Variants in HHAT observed in about 807,000 individuals in gnomAD.
The protein encoded by HHAT is protein-cysteine N-palmitoyltransferase HHAT.
In HHAT, 47 loss-of-function variants were observed where a neutral mutation model predicts 70.8. The ratio of observed to expected loss-of-function variants is 0.66; its 90% CI spans 0.53 to 0.85. The LOEUF (loss-of-function observed/expected upper bound fraction) is 0.85, where lower values mean the gene tolerates loss of function less well. HHAT is among the 40% of genes least tolerant of loss of function. The pLI, the probability that HHAT is intolerant of heterozygous loss-of-function variation, is 0.00. For missense variants in HHAT, 609 were observed against 604.8 expected (o/e 1.01, Z -0.07); for synonymous variants, 228 against 247.6 (o/e 0.92, Z 0.74).
chr1:210,363,784 T>G (rs1467446139), intron 3 of HHAT, among the ~76,000 whole-genome samples: 1 of 152,210 alleles, frequency 6.6e-6, no homozygotes, highest in African/African-American at 2.4e-5. Context: ...TGTTTTCTAT[T>G]TTTACTTTAT....
At chr1:210,407,019 A>G (rs2092357456) in intron 6 of HHAT, among the ~76,000 whole-genome samples, 1 of 152,176 alleles carries the variant, frequency 6.6e-6, no homozygotes, top group Non-Finnish European at 1.5e-5. Flanking sequence ...TAGAATAGTC[A>G]TTCTAGAAAA....
At chr1:210,630,709 C>A (rs1670692005) in intron 11 of HHAT, among the ~76,000 whole-genome samples, 1 of 152,204 alleles carries the variant, frequency 6.6e-6, no homozygotes, top group Admixed American at 6.5e-5. Flanking sequence ...CAACATGCGA[C>A]CCAGGACTCG....
chr1:210,574,094 T>G (rs1353012770), intron 9 of HHAT, among the ~76,000 whole-genome samples: 5 of 152,186 alleles, frequency 3.3e-5, no homozygotes, highest in African/African-American at 1.2e-4. Context: ...TCAGGCCTGG[T>G]GAGGTAGCTC....
intron 7 of HHAT, among the ~76,000 whole-genome samples, chr1:210,444,330 C>T (rs201150053): frequency 2.5e-5 from 3 of 122,094 alleles, no homozygotes; most frequent in Non-Finnish European, 3.8e-5. Context: ...GTCTCTGCCT[C>T]GCTTTGGTAT....
In HHAT at chr1:210,358,282, A is replaced by G. The variant is rs138531833; in HGVS notation, c.92-4570A>G. Among the ~76,000 whole-genome samples the G allele has an allele frequency of 5.2e-3, 790 of 152,362 alleles. 2 individuals are homozygous for G. Among genetic ancestry groups the G allele is most frequent in the Non-Finnish European group, 9.2e-3 (629 of 68,030 alleles). Reference sequence around the variant, plus strand: ...GCTCTAAAGTTTTCCATGCAAATTAAGCACCTGGTGGTCTGCCCCTGCAGA... The same window carrying G: ...GCTCTAAAGTTTTCCATGCAAATTAGGCACCTGGTGGTCTGCCCCTGCAGA... On this transcript the variant is annotated intron_variant, in intron 2 of 11. Coordinates refer to ENST00000261458, the MANE Select transcript of HHAT (RefSeq NM_018194.6).
intron 9 of HHAT, among the ~76,000 whole-genome samples, chr1:210,544,142 C>T (rs1036728904): frequency 2.6e-5 from 4 of 152,266 alleles, no homozygotes; most frequent in Admixed American, 6.5e-5. Context: ...ATGCACTGCC[C>T]GTGCCCTCTA....
chr1:210,472,462 A>G (rs1291086541), intron 8 of HHAT, among the ~76,000 whole-genome samples: 1 of 152,124 alleles, frequency 6.6e-6, no homozygotes, highest in Non-Finnish European at 1.5e-5. Context: ...GTGAAATGGA[A>G]CTGAAGCAGA....
At chr1:210,458,306 A>G (rs766525592) in intron 7 of HHAT, among the ~76,000 whole-genome samples, 1 of 152,202 alleles carries the variant, frequency 6.6e-6, no homozygotes, top group Non-Finnish European at 1.5e-5. Context: ...TCATTCTTTC[A>G]TTCCATTCAT....
intron 10 of HHAT, among the ~76,000 whole-genome samples, chr1:210,605,688 A>T (rs749835462): frequency 6.6e-6 from 1 of 152,194 alleles, no homozygotes; most frequent in Non-Finnish European, 1.5e-5. Context: ...TGGCTCACAC[A>T]TCAAGTATGA....
Position 210,441,556 on chromosome 1 carries a change from AG to A in HHAT, c.857-22948del, listed in dbSNP as rs553133478. On this transcript the variant is annotated intron_variant, in intron 7 of 11. Transcript: ENST00000261458. ...TGCATTTTAATGTCAGTGAAAGTCA[AG>A]CTTGTCTTTAGATTTTGACAAGGAT... 5.9e-5 allele frequency among the ~76,000 whole-genome samples: 9 copies of A among 152,326 alleles called. No homozygotes were observed. The South Asian group carries it at 1.2e-3, about 21-fold the overall frequency.
At chr1:210,577,110 A>T (rs1454048489) in intron 9 of HHAT, among the ~76,000 whole-genome samples, 4 of 151,646 alleles carry the variant, frequency 2.6e-5, no homozygotes, top group African/African-American at 9.7e-5. Flanking sequence ...TTTACGTATA[A>T]GATCATGTCA....
rs1034083366 is a variant in HHAT at position 210,448,183 on chromosome 1, G to A, written c.857-16322G>A. ...TGCAACCTCTGCCTTCCTGGTTCAA[G>A]TGATTCTCCTGGCTCAGCTGCCTGA... On this transcript the variant is annotated intron_variant, in intron 7 of 11. Transcript: ENST00000261458. 4.0e-5 allele frequency among the ~76,000 whole-genome samples: 6 copies of A among 151,100 alleles called. No homozygotes were observed. In the Admixed American group the frequency reaches 4.0e-4, roughly 10 times the overall value.
chr1:210,406,474 A>G (rs768679715), intron 6 of HHAT, among the ~76,000 whole-genome samples: 6 of 151,192 alleles, frequency 4.0e-5, no homozygotes, highest in South Asian at 2.1e-4. Flanking sequence ...GCTTACTGCA[A>G]CCTCCACCTC....
chr1:210,562,910 G>T (rs915536612), intron 9 of HHAT, among the ~76,000 whole-genome samples: 1 of 149,428 alleles, frequency 6.7e-6, no homozygotes, highest in South Asian at 2.1e-4. Context: ...GCGGTGTTTG[G>T]TTTTTTTGTC....
At chr1:210,553,808 C>A (rs1480671067) in intron 9 of HHAT, among the ~76,000 whole-genome samples, 1 of 152,218 alleles carries the variant, frequency 6.6e-6, no homozygotes, top group Admixed American at 6.5e-5. Context: ...CTCCCTCTTC[C>A]CACCTCTTCC....
At chr1:210,558,511 G>T (rs2095592882) in intron 9 of HHAT, among the ~76,000 whole-genome samples, 1 of 152,170 alleles carries the variant, frequency 6.6e-6, no homozygotes, top group African/African-American at 2.4e-5. Flanking sequence ...TGAGCAGTTT[G>T]TAATGATTGT....
intron 9 of HHAT, among the ~76,000 whole-genome samples, chr1:210,543,543 G>A (rs1001082575): frequency 6.6e-6 from 1 of 152,082 alleles, no homozygotes; most frequent in African/African-American, 2.4e-5. Flanking sequence ...GCAGTGAGCT[G>A]TGATTGTGTC....
chr1:210,583,972 T>G (rs9430041), intron 9 of HHAT, among the ~76,000 whole-genome samples: 2 of 136,956 alleles, frequency 1.5e-5, no homozygotes, highest in Admixed American at 7.4e-5. Flanking sequence ...TTTTTTTTTG[T>G]GATGGAGTCT....
chr1:210,545,928 A>G (rs2095479432), intron 9 of HHAT, among the ~76,000 whole-genome samples: 1 of 152,196 alleles, frequency 6.6e-6, no homozygotes. Flanking sequence ...AATTTTGCTT[A>G]TGTCACCAAC....
Sources: gnomAD v4.1 joint callset for allele counts (sites outside exome capture counted in the v4.1 genomes callset) on GRCh38, gnomAD v4.1.1 for gene constraint, MANE v1.5 for transcripts, NCBI Gene and HGNC (gene_info 2026-07-23, HGNC 2026-07-21) for gene names.